ALDH16A1: variants seen among roughly 807,000 people sequenced by gnomAD.
ALDH16A1 encodes aldehyde dehydrogenase family 16 member A1.
A neutral mutation model predicts 96.1 loss-of-function variants in ALDH16A1; 88 were observed. The ratio of observed to expected loss-of-function variants is 0.92; its 90% confidence interval spans 0.77 to 1.09. ALDH16A1 has a LOEUF of 1.09. Among genes scored for constraint, ALDH16A1 ranks in the 50% least tolerant of loss-of-function variants. The pLI is 0.00. For synonymous variants in ALDH16A1, 522 were observed against 496.4 expected, an observed-to-expected ratio of 1.05 and a Z score of -0.69; for missense variants, 1,250 against 1,112.6, an observed-to-expected ratio of 1.12 and a Z score of -1.76.
At position 49,470,632 on chromosome 19, in the gene ALDH16A1, G is replaced by A. The variant is rs2079237877; in HGVS notation, c.*165G>A. The A allele has an allele frequency of 3.6e-6, 2 of 550,520 alleles. No individual in the cohort carries two copies. Among genetic ancestry groups the A allele is most frequent in the South Asian group, 5.3e-5 (1 of 19,036 alleles). The allele number at this position is 550,520 out of a possible 1,614,324, so 34.1% of individuals were successfully genotyped here. ...AGAAAGGGTGTAGCAACTTCTGGCA[G>A]ATATGAGGCTTTTTTCTTTTTTTTT... On this transcript the variant is annotated 3_prime_UTR_variant, in exon 17 of 17. Transcript: ENST00000293350.
chr19:49,466,325 GT>G (rs746061837), intron 14 of ALDH16A1, 42 bp downstream of exon 14: 3 of 1,423,356 alleles, frequency 2.1e-6, no homozygotes, highest in African/African-American at 2.9e-5. Flanking sequence ...GGCAGGCGGG[GT>G]GGGGCTCAGA....
chr19:49,461,989 T>A lies in ALDH16A1; in HGVS notation c.865T>A (p.Ser289Thr), dbSNP rs202242364. The A allele has an allele frequency of 3.0e-3, 4,629 of 1,549,494 alleles. 8 individuals are homozygous for A. The highest frequency in any genetic ancestry group is 3.6e-3 in the Non-Finnish European group (4,155 of 1,150,946). Residue 289 changes from serine to threonine, a missense_variant, in exon 7 of 17, where the codon TCG becomes ACG. By Grantham distance (58) the Ser-to-Thr change is moderately conservative. Transcript: ENST00000293350. ...LLLTDTADVD[S>T]AVEGVVDAAW... The stretch of plus-strand genomic sequence containing the variant: ...GCTGACGGACACGGCGGACGTAGAC[T>A]CGGCCGTGGAGGGTGTCGTGGACGC...
rs527243024 is a variant in ALDH16A1, at chr19:49,453,675, C to A, written c.90+254C>A. Among the ~76,000 whole-genome samples, 14 of 152,296 alleles carry A rather than the reference C, an allele frequency of 9.2e-5. No homozygotes were observed. The East Asian group carries it at 2.7e-3, about 29-fold the overall frequency. ...TGATCCTGAACTCCTCGTAGTGTTT[C>A]CGCGGTTTTCCTGAACTCCTCTAGA... On this transcript the variant is annotated intron_variant, in intron 1 of 16. Coordinates refer to ENST00000293350, the MANE Select transcript of ALDH16A1 (RefSeq NM_153329.4).
At chr19:49,464,874 G>A in intron 12 of ALDH16A1, 112 bp downstream of exon 12, 2 of 1,508,064 alleles carry the variant, frequency 1.3e-6, no homozygotes, top group African/African-American at 1.4e-5. Context: ...CCATCTCTTA[G>A]TCCTGCTGAG....
rs2079192842 is a variant in ALDH16A1 at position 49,465,800 on chromosome 19, C to T, written c.1631C>T (p.Ser544Phe). 1.9e-6 allele frequency: 3 copies of T among 1,614,138 alleles called. No homozygotes were observed. Among genetic ancestry groups the T allele is most frequent in the Non-Finnish European group, 1.7e-6 (2 of 1,180,010 alleles). The change falls in exon 13 of 17, where the codon TCC becomes TTC. Residue 544 changes from serine to phenylalanine, a missense_variant. By Grantham distance (155) the Ser-to-Phe change is radical. Transcript: ENST00000293350. ...GRFQAPGARS[S>F]RPIRDSSGNL... The stretch of plus-strand genomic sequence containing the variant: ...TTCCAGGCTCCTGGGGCCCGAAGCT[C>T]CAGGCCCATCCGGGATTCGTCTGGC...
Position 49,464,532 on chromosome 19 carries a change from T to C in ALDH16A1, c.1437+10T>C. ...GCACGGGGGCCCAGACGTGAGTACATCCCCTCCCCGTCACCAGCCCCCCCG... is the reference window on the plus strand; with the variant it reads ...GCACGGGGGCCCAGACGTGAGTACACCCCCTCCCCGTCACCAGCCCCCCCG... On this transcript the variant is annotated intron_variant, in intron 11 of 16. Transcript: ENST00000293350. The C allele has an allele frequency of 6.2e-7, 1 of 1,613,232 alleles. No individual in the cohort carries two copies. The highest frequency in any genetic ancestry group is 8.5e-7 in the Non-Finnish European group (1 of 1,179,642).
rs555341638 is a variant in ALDH16A1, at chr19:49,461,655, C to T, written c.614C>T (p.Pro205Leu). The part of the protein sequence containing the change: ...TVVALVPPAS[P>L]APLLLAQLAG... The stretch of plus-strand genomic sequence containing the variant: ...GTGGCCCTCGTGCCCCCGGCCTCCC[C>T]GGCGCCCCTCCTCCTGGCCCAGCTG... The change falls in exon 6 of 17, where the codon CCG becomes CTG. Residue 205 changes from proline (P) to leucine (L), a missense_variant. Coordinates refer to ENST00000293350, the MANE Select transcript of ALDH16A1 (RefSeq NM_153329.4). 61 of 1,603,542 alleles carry T rather than the reference C, an allele frequency of 3.8e-5. No homozygotes were observed. The highest frequency in any genetic ancestry group is 1.7e-4 in the Middle Eastern group (1 of 5,902).
In ALDH16A1 at chr19:49,461,704, G is replaced by T. The variant is rs777845088; in HGVS notation, c.663G>T (p.Pro221=). ...AQLAGELGPF[P]GILNVLSGPA... Reference sequence around the variant, plus strand: ...TGGCGGGGGAGCTGGGCCCCTTCCCGGGAATCCTGAATGTCCTCAGTGGCC... The same window carrying T: ...TGGCGGGGGAGCTGGGCCCCTTCCCTGGAATCCTGAATGTCCTCAGTGGCC... Residue 221 remains proline (P), a synonymous_variant, in exon 6 of 17, where the codon CCG becomes CCT. Coordinates refer to ENST00000293350, the MANE Select transcript of ALDH16A1 (RefSeq NM_153329.4). 6.2e-7 allele frequency: 1 copy of T among 1,609,354 alleles called. No homozygotes were observed.
rs1453241266 is a variant in ALDH16A1, at chr19:49,459,682, G to A, written c.333G>A (p.Val111=). 8 of 1,608,150 alleles carry A rather than the reference G, an allele frequency of 5.0e-6. No homozygotes were observed. The highest frequency in any genetic ancestry group is 6.8e-6 in the Non-Finnish European group (8 of 1,177,428). The change falls in exon 4 of 17, where the codon GTG becomes GTA. Residue 111 remains valine, a synonymous_variant. Transcript: ENST00000293350. This position sits in a 1 kb window ranked among gnomAD's most constrained non-coding sequence, Gnocchi z 4.1. ...RAQHLTRLAE[V]IQKHQRLLWT... Reference sequence around the variant, plus strand: ...GCTTTCTCGACAGGCTGGCCGAGGTGATCCAGAAGCACCAGCGGCTGCTGT... The same window carrying A: ...GCTTTCTCGACAGGCTGGCCGAGGTAATCCAGAAGCACCAGCGGCTGCTGT...
intron 16 of ALDH16A1, 92 bp downstream of exon 16, chr19:49,469,078 C>G: frequency 6.7e-7 from 1 of 1,498,442 alleles, no homozygotes; most frequent in Non-Finnish European, 8.9e-7. Context: ...TCTTAGAACT[C>G]CTGTTGGTAA....
chr19:49,463,903 C>G lies in ALDH16A1; in HGVS notation c.1148C>G (p.Thr383Ser), dbSNP rs1198898719. The change falls in exon 9 of 17, where the codon ACC (threonine) becomes AGC (serine). Residue 383 changes from threonine to serine, a missense_variant. By Grantham distance (58) the Thr-to-Ser change is moderately conservative. Transcript: ENST00000293350. ...TCGGAACGCCCATTCTATCCCCCAA[C>G]CTTGGTCTCCAACCTGCCCCCAGCC... The part of the protein sequence containing the change: ...VPSERPFYPP[T>S]LVSNLPPASP... 1 of 1,613,558 alleles carries G rather than the reference C, an allele frequency of 6.2e-7. No individual in the cohort carries two copies. Among genetic ancestry groups the G allele is most frequent in the South Asian group, 1.1e-5 (1 of 91,066 alleles).
Position 49,464,275 on chromosome 19 carries a change from T to G in ALDH16A1, c.1331+12T>G. ...GAGCTGGGCTATGGGTCAGTCTGCG[T>G]GGCCCGGGCGCTCACTCCTCTCCTC... is the stretch of plus-strand genomic sequence containing the variant. On this transcript the variant is annotated intron_variant, in intron 10 of 16. Coordinates refer to ENST00000293350, the MANE Select transcript of ALDH16A1 (RefSeq NM_153329.4). 6.3e-7 allele frequency: 1 copy of G among 1,599,892 alleles called. No homozygotes were observed. The highest frequency in any genetic ancestry group is 8.5e-7 in the Non-Finnish European group (1 of 1,177,926).
At chr19:49,467,396 C>CTTT in intron 14 of ALDH16A1, among the ~76,000 whole-genome samples, 1 of 131,164 alleles carries the variant, frequency 7.6e-6, no homozygotes, top group Non-Finnish European at 1.6e-5. Context: ...TTCTTTCTTT[C>CTTT]TTTTTTTTTT....
chr19:49,456,261 C>T (rs1413851521), intron 1 of ALDH16A1, among the ~76,000 whole-genome samples: 1 of 152,172 alleles, frequency 6.6e-6, no homozygotes, highest in African/African-American at 2.4e-5. Flanking sequence ...GTAATTTAAA[C>T]AAATCCTGGA....
rs76844851 is a variant in ALDH16A1 at position 49,461,874 on chromosome 19, G to A, written c.760-10G>A. The A allele has an allele frequency of 0.39, 615,055 of 1,584,712 alleles. 125,025 individuals are homozygous for A. The highest frequency in any genetic ancestry group is 0.54 in the Middle Eastern group (3,202 of 5,976). ...GCTCCTCCTGCGGCTGAACTGGGGG[G>A]GGTCCCTAGGAAGGGCGTGCCCTTC... On this transcript the variant is annotated splice_polypyrimidine_tract_variant and intron_variant, in intron 6 of 16. Coordinates refer to ENST00000293350, the MANE Select transcript of ALDH16A1 (RefSeq NM_153329.4).
Position 49,464,724 on chromosome 19 carries a change from T to G in ALDH16A1, c.1530T>G (p.Val510=), listed in dbSNP as rs11558188. 0.32 allele frequency: 520,742 copies of G among 1,613,828 alleles called. 90,114 individuals are homozygous for G. Among genetic ancestry groups the G allele is most frequent in the Non-Finnish European group, 0.36 (423,713 of 1,179,916 alleles). ...ACTATGACACCTTTGGCCTCGCTGT[T>G]CCCTCAACCCTGCCGGCTGGGCCTG... ...NLNYDTFGLA[V]PSTLPAGPEI... is the part of the protein sequence containing the mutation. The change falls in exon 12 of 17, where the codon GTT becomes GTG. Residue 510 remains valine, a synonymous_variant. Coordinates refer to ENST00000293350, the MANE Select transcript of ALDH16A1 (RefSeq NM_153329.4).
intron 4 of ALDH16A1, among the ~76,000 whole-genome samples, chr19:49,460,563 C>T (rs1014499621): frequency 1.3e-5 from 2 of 152,002 alleles, no homozygotes; most frequent in South Asian, 4.2e-4. Context: ...TACAGGCATG[C>T]ACCACCACGC....
chr19:49,453,308 C>T lies in ALDH16A1; in HGVS notation c.-24C>T. ...TTAACACAGAGCGCCCCGCAGTCTT[C>T]GCGGAAAGCGTTCGGGGTAGGCGAT... On this transcript the variant is annotated 5_prime_UTR_variant, in exon 1 of 17. Coordinates refer to ENST00000293350, the MANE Select transcript of ALDH16A1 (RefSeq NM_153329.4). 6.5e-7 allele frequency: 1 copy of T among 1,538,420 alleles called. No homozygotes were observed. Among genetic ancestry groups the T allele is most frequent in the Non-Finnish European group, 8.8e-7 (1 of 1,142,614 alleles).
chr19:49,461,031 G>T, intron 5 of ALDH16A1, 132 bp downstream of exon 5: 1 of 990,758 alleles, frequency 1.0e-6, no homozygotes, highest in Non-Finnish European at 1.6e-6. Context: ...TGGGAGGAGG[G>T]GCTGCGGGTC....
Sources: allele counts gnomAD v4.1 joint callset (sites outside exome capture counted in the v4.1 genomes callset), GRCh38; gene constraint gnomAD v4.1.1; non-coding constraint Gnocchi (gnomAD v3.1); transcripts MANE v1.5; gene names NCBI Gene and HGNC (gene_info 2026-07-23, HGNC 2026-07-21).